The following ROBO1 variants were observed in gnomAD, a reference collection of about 807,000 sequenced individuals.
ROBO1 encodes the protein roundabout homolog 1.
In ROBO1, 149 loss-of-function variants were observed where a neutral mutation model predicts 195.9. That is an observed-to-expected ratio of 0.76 (90% CI 0.67 to 0.87). The LOEUF is 0.87. ROBO1 is among the 40% of genes least tolerant of loss of function. The pLI is 0.00. For synonymous variants in ROBO1, 816 were observed against 733.2 expected, an observed-to-expected ratio of 1.11 and a Z score of -1.82; for missense variants, 1,933 against 2,068.3, an observed-to-expected ratio of 0.93 and a Z score of 1.27.
At chr3:79,220,180 A>C (rs1009368547) in intron 2 of ROBO1, among the ~76,000 whole-genome samples, 2 of 152,084 alleles carry the variant, frequency 1.3e-5, no homozygotes, top group Non-Finnish European at 2.9e-5. Flanking sequence ...GCCATCTATT[A>C]TTGTAGGTAT....
chr3:78,791,872 T>G (rs1260862434), intron 4 of ROBO1, among the ~76,000 whole-genome samples: 1 of 152,228 alleles, frequency 6.6e-6, no homozygotes, highest in Non-Finnish European at 1.5e-5. Context: ...TATTTTCCAG[T>G]GAGAGGCTGC....
intron 1 of ROBO1, among the ~76,000 whole-genome samples, chr3:79,665,073 T>C (rs1241828530): frequency 6.6e-6 from 1 of 151,992 alleles, no homozygotes; most frequent in Non-Finnish European, 1.5e-5. Flanking sequence ...TTAGGTTCCC[T>C]TTCTTTAGAG....
intron 2 of ROBO1, among the ~76,000 whole-genome samples, chr3:79,353,452 C>T (rs1345942849): frequency 1.3e-5 from 2 of 151,272 alleles, no homozygotes; most frequent in Non-Finnish European, 2.9e-5. Flanking sequence ...CACATGTACG[C>T]AAAAATAATT....
intron 2 of ROBO1, among the ~76,000 whole-genome samples, chr3:79,173,782 C>A (rs1487871394): frequency 2.0e-5 from 3 of 152,164 alleles, no homozygotes; most frequent in Admixed American, 6.5e-5. Flanking sequence ...GTCAGCTGGG[C>A]TCCTGAGTCT....
chr3:79,121,793 C>A (rs1031851118), intron 3 of ROBO1, among the ~76,000 whole-genome samples: 1 of 151,776 alleles, frequency 6.6e-6, no homozygotes, highest in Non-Finnish European at 1.5e-5. Flanking sequence ...AATTTACAGA[C>A]TTTTTTTGTT....
At chr3:79,416,307 C>T (rs1441844208) in intron 2 of ROBO1, among the ~76,000 whole-genome samples, 5 of 151,448 alleles carry the variant, frequency 3.3e-5, no homozygotes, top group South Asian at 2.1e-4. Context: ...AGTATAGATA[C>T]GAAAGAGGTA....
At chr3:79,045,409 C>A (rs1347855279) in intron 3 of ROBO1, among the ~76,000 whole-genome samples, 1 of 151,904 alleles carries the variant, frequency 6.6e-6, no homozygotes, top group African/African-American at 2.4e-5. Context: ...AAATTAACTC[C>A]ACTTTATACA....
intron 2 of ROBO1, among the ~76,000 whole-genome samples, chr3:79,426,923 T>G (rs1035329474): frequency 1.3e-5 from 2 of 152,196 alleles, no homozygotes; most frequent in African/African-American, 4.8e-5. Context: ...CTGTTAATTG[T>G]TATGATCAGT....
At chr3:79,436,350 T>C (rs894576960) in intron 2 of ROBO1, among the ~76,000 whole-genome samples, 2 of 68,956 alleles carry the variant, frequency 2.9e-5, no homozygotes, top group South Asian at 1.2e-3. Context: ...TTGATTTGTA[T>C]TTTTTTTTTG....
chr3:79,175,650 A>T (rs2081251575), intron 2 of ROBO1, among the ~76,000 whole-genome samples: 1 of 152,220 alleles, frequency 6.6e-6, no homozygotes, highest in Non-Finnish European at 1.5e-5. Flanking sequence ...AATAAATGCA[A>T]CAGAAATTGT....
chr3:79,095,675 T>G (rs866864421), intron 3 of ROBO1, among the ~76,000 whole-genome samples: 7 of 152,078 alleles, frequency 4.6e-5, no homozygotes, highest in Non-Finnish European at 1.0e-4. Flanking sequence ...AAATTTGGGG[T>G]TAATTTTTTG....
rs1704142361 is a variant in ROBO1, at chr3:79,751,846, C to T, written c.-51+15906G>A. Among the ~76,000 whole-genome samples, 3 of 152,108 alleles carry T rather than the reference C, an allele frequency of 2.0e-5. No individual in the cohort carries two copies. In the South Asian group the frequency reaches 6.2e-4, roughly 32 times the overall value. The stretch of plus-strand genomic sequence containing the variant: ...CATTATACTTTTCCATTTATTTTAT[C>T]CAGAAGACAGGTGCACAGTCTTACC... On this transcript the variant is annotated intron_variant, in intron 1 of 30. Transcript: ENST00000464233.
At chr3:78,956,536 C>T (rs1056203510) in intron 3 of ROBO1, among the ~76,000 whole-genome samples, 1 of 152,134 alleles carries the variant, frequency 6.6e-6, no homozygotes, top group Non-Finnish European at 1.5e-5. Flanking sequence ...AATATTTCCA[C>T]ATCCCCATTG....
intron 2 of ROBO1, among the ~76,000 whole-genome samples, chr3:79,413,283 G>A (rs373714077): frequency 6.6e-6 from 1 of 152,000 alleles, no homozygotes; most frequent in African/African-American, 2.4e-5. Context: ...AATAAAGTAA[G>A]GTCAAGAACC....
intron 1 of ROBO1, among the ~76,000 whole-genome samples, chr3:79,668,670 A>C (rs1254379442): frequency 6.6e-6 from 1 of 151,852 alleles, no homozygotes; most frequent in African/African-American, 2.4e-5. Flanking sequence ...CAATTTACAC[A>C]CACACACACG....
chr3:79,269,312 CA>C (rs1046418398), intron 2 of ROBO1, among the ~76,000 whole-genome samples: 1 of 151,740 alleles, frequency 6.6e-6, no homozygotes, highest in East Asian at 1.9e-4. Flanking sequence ...GTATTTAGCA[CA>C]GTGACTTTCT....
At chr3:79,191,283 C>A (rs879847921) in intron 2 of ROBO1, among the ~76,000 whole-genome samples, 1 of 151,120 alleles carries the variant, frequency 6.6e-6, no homozygotes, top group African/African-American at 2.4e-5. Flanking sequence ...ATAAGGCATA[C>A]CATCATATTA....
At chr3:79,543,791 GCCC>G (rs1942163271) in intron 2 of ROBO1, among the ~76,000 whole-genome samples, 1 of 151,928 alleles carries the variant, frequency 6.6e-6, no homozygotes, top group South Asian at 2.1e-4. Context: ...TCATTGGCAG[GCCC>G]CATGAGATTT....
In ROBO1 at chr3:78,636,027, T is replaced by C; in HGVS notation, c.3119A>G (p.Asp1040Gly). The change falls in exon 23 of 31, where the codon GAT (aspartate) becomes GGT (glycine). Residue 1040 changes from aspartate to glycine, a missense_variant. Asp to Gly is a moderately conservative substitution (Grantham distance 94, BLOSUM62 -1). Transcript: ENST00000464233. ...ATTGATTTTGTTACTAAGGTCCACA[T>C]CACCATAAACAGTTGACTCAGGGAG... Reference protein sequence around the residue: ...LMLPESTVYGDVDLSNKINEM... With the variant: ...LMLPESTVYGGVDLSNKINEM... 6.2e-7 allele frequency: 1 copy of C among 1,613,884 alleles called. No individual in the cohort carries two copies. Among genetic ancestry groups the C allele is most frequent in the East Asian group, 2.2e-5 (1 of 44,860 alleles).
Sources: gnomAD v4.1 joint callset for allele counts (sites outside exome capture counted in the v4.1 genomes callset) on GRCh38, gnomAD v4.1.1 for gene constraint, MANE v1.5 for transcripts, NCBI Gene and HGNC (gene_info 2026-07-23, HGNC 2026-07-21) for gene names.